The following FOXP1 variants were observed in gnomAD, a reference collection of about 807,000 sequenced individuals.
FOXP1 encodes the protein forkhead box P1.
FOXP1 carries 15 observed loss-of-function variants against 98.2 expected under a neutral mutation model. The observed-to-expected ratio is 0.15, with a 90% CI of 0.10 to 0.24. FOXP1 has a LOEUF of 0.24. FOXP1 is among the 10% of genes least tolerant of loss of function. The pLI is 1.00. For missense variants in FOXP1, 633 were observed against 848.5 expected, an observed-to-expected ratio of 0.75 and a Z score of 3.15; for synonymous variants, 371 against 314.5, an observed-to-expected ratio of 1.18 and a Z score of -1.90.
chr3:71,417,349 C>A (rs2083294993), intron 3 of FOXP1, among the ~76,000 whole-genome samples: 1 of 152,166 alleles, frequency 6.6e-6, no homozygotes. Context: ...TTCCAATTAT[C>A]TCTGTATTTG....
chr3:71,030,209 T>C (rs894496131), intron 11 of FOXP1, among the ~76,000 whole-genome samples: 6 of 152,234 alleles, frequency 3.9e-5, no homozygotes, highest in African/African-American at 1.4e-4. Context: ...GTGATAATCA[T>C]GTTGGGTTCT....
At chr3:71,277,008 G>T (rs1294815831) in intron 5 of FOXP1, among the ~76,000 whole-genome samples, 2 of 148,496 alleles carry the variant, frequency 1.3e-5, no homozygotes, top group Non-Finnish European at 3.0e-5. Flanking sequence ...GCCCAGGCTG[G>T]AGTGCAGTGG....
chr3:71,583,245 C>G lies in FOXP1; in HGVS notation c.-447+326G>C, dbSNP rs2048331362. Among the ~76,000 whole-genome samples, 2 of 152,076 alleles carry G rather than the reference C, an allele frequency of 1.3e-5. 1 individual carries two copies. The highest frequency in any genetic ancestry group is 4.1e-4 in the South Asian group (2 of 4,834). On this transcript the variant is annotated intron_variant, in intron 1 of 20. Coordinates refer to ENST00000649528, the MANE Select transcript of FOXP1 (RefSeq NM_001349338.3). ...CGCCTCCTCACAGTCGCCACCGCCC[C>G]CGCCCCCATTTGACTTATGCAAATA...
chr3:70,960,557 C>G (rs1369362705), intron 20 of FOXP1, among the ~76,000 whole-genome samples: 2 of 152,136 alleles, frequency 1.3e-5, no homozygotes, highest in African/African-American at 4.8e-5. Flanking sequence ...GTAAAAGAAC[C>G]ATTTGAGTTA....
Position 71,091,097 on chromosome 3 carries a change from C to CTGTGTGTGTGTGTGTG in FOXP1, c.282+21423_282+21438dup, listed in dbSNP as rs1191628935. Among the ~76,000 whole-genome samples the CTGTGTGTGTGTGTGTG allele has an allele frequency of 3.2e-3, 430 of 132,566 alleles. 5 individuals carry two copies. The highest frequency in any genetic ancestry group is 0.011 in the African/African-American group (396 of 35,342). 87.0% of individuals were successfully genotyped at this position (132,566 alleles called of 152,430 possible). A position where few individuals can be genotyped will look rare whatever the true frequency, so the allele number is the denominator to read the frequency against. On this transcript the variant is annotated intron_variant, in intron 7 of 20. Transcript: ENST00000649528. ...CATTTTGAGCTACAGGTGCCAGATTCTGTGTGTGTGTGTGTGTGTGTGTGT... is the reference window on the plus strand; with the variant it reads ...CATTTTGAGCTACAGGTGCCAGATTCTGTGTGTGTGTGTGTGTGTGTGTGTGTGTGTGTGTGTGTGT...
At chr3:71,362,904 G>A (rs11709616) in intron 3 of FOXP1, among the ~76,000 whole-genome samples, 86,711 of 152,084 alleles carry the variant, frequency 0.57, 27,349 homozygotes, top group East Asian at 0.83. Context: ...AAATGCTGTT[G>A]TATTTTTTCC....
At chr3:71,576,704 A>C (rs2047744990) in intron 2 of FOXP1, among the ~76,000 whole-genome samples, 1 of 152,178 alleles carries the variant, frequency 6.6e-6, no homozygotes, top group African/African-American at 2.4e-5. Flanking sequence ...GCACTCTACC[A>C]ATAACCTTAA....
chr3:71,035,453 A>G (rs2047449176), intron 11 of FOXP1, among the ~76,000 whole-genome samples: 1 of 152,220 alleles, frequency 6.6e-6, no homozygotes, highest in Non-Finnish European at 1.5e-5. Flanking sequence ...CAAGCTTGCC[A>G]TTGTAGTGTC....
At chr3:71,502,823 A>G (rs2041496993) in intron 2 of FOXP1, among the ~76,000 whole-genome samples, 1 of 152,228 alleles carries the variant, frequency 6.6e-6, no homozygotes. Flanking sequence ...ATTTTCCATG[A>G]AAAATTAAGG....
chr3:71,276,676 A>G (rs541015798), intron 5 of FOXP1, among the ~76,000 whole-genome samples: 26 of 152,334 alleles, frequency 1.7e-4, no homozygotes, highest in African/African-American at 6.0e-4. Flanking sequence ...ACAGTGTTTC[A>G]GTACACATAA....
intron 6 of FOXP1, among the ~76,000 whole-genome samples, chr3:71,189,784 A>G (rs976389924): frequency 6.6e-5 from 10 of 152,222 alleles, no homozygotes; most frequent in Non-Finnish European, 1.5e-4. Context: ...ATTCATAAAT[A>G]GTCTGTCACA....
At chr3:71,523,344 A>G (rs1056090551) in intron 2 of FOXP1, among the ~76,000 whole-genome samples, 1 of 152,170 alleles carries the variant, frequency 6.6e-6, no homozygotes, top group Non-Finnish European at 1.5e-5. Context: ...AGGCAGGGGG[A>G]CAATAATTTA....
At chr3:71,363,285 C>T (rs1380294956) in intron 3 of FOXP1, among the ~76,000 whole-genome samples, 2 of 152,044 alleles carry the variant, frequency 1.3e-5, no homozygotes, top group Non-Finnish European at 2.9e-5. Context: ...TCTGCCATCA[C>T]GGATAAAGAA....
At chr3:71,039,476 G>C (rs946007421) in intron 11 of FOXP1, among the ~76,000 whole-genome samples, 1 of 152,070 alleles carries the variant, frequency 6.6e-6, no homozygotes, top group Non-Finnish European at 1.5e-5. Flanking sequence ...TAACCTTTTA[G>C]AAAATGAAAC....
chr3:71,134,595 T>C (rs890915071), intron 6 of FOXP1, among the ~76,000 whole-genome samples: 5 of 151,718 alleles, frequency 3.3e-5, no homozygotes, highest in Admixed American at 1.3e-4. Flanking sequence ...AGCGAAACAA[T>C]GGAATTATTT....
chr3:71,112,586 C>G lies in FOXP1; in HGVS notation c.232G>C (p.Val78Leu). ...LLLQQQQQQQVSGLKSPKRND... is the reference protein window; with the variant it reads ...LLLQQQQQQQLSGLKSPKRND... ...CTCTTGGGAGATTTTAATCCACTAACTTGCTGCTGCTGTTGCTGCTGAAGA... is the reference window on the plus strand; with the variant it reads ...CTCTTGGGAGATTTTAATCCACTAAGTTGCTGCTGCTGTTGCTGCTGAAGA... Residue 78 changes from valine to leucine, a missense_variant, in exon 7 of 21, where the codon GTT becomes CTT. Val to Leu is a conservative substitution (Grantham distance 32). Around this residue, in one of 6 missense-constraint regions of FOXP1, gnomAD observed 210 missense variants for 270.6 expected, o/e 0.78. Coordinates refer to ENST00000649528, the MANE Select transcript of FOXP1 (RefSeq NM_001349338.3). 1 of 1,614,146 alleles carries G rather than the reference C, an allele frequency of 6.2e-7. No homozygotes were observed. Among genetic ancestry groups the G allele is most frequent in the Non-Finnish European group, 8.5e-7 (1 of 1,179,960 alleles).
At chr3:71,577,722 T>A (rs963048928) in intron 2 of FOXP1, among the ~76,000 whole-genome samples, 6 of 152,092 alleles carry the variant, frequency 3.9e-5, no homozygotes, top group African/African-American at 1.4e-4. Flanking sequence ...GCAAACCTAC[T>A]TGGCTTGCTG....
chr3:71,442,378 CAA>C (rs757897276), intron 3 of FOXP1, among the ~76,000 whole-genome samples: 8 of 99,130 alleles, frequency 8.1e-5, no homozygotes, highest in Non-Finnish European at 8.9e-5. Context: ...CTTAAAAAGC[CAA>C]AAAAAAAAAA....
At chr3:71,109,001 C>G (rs953248884) in intron 7 of FOXP1, among the ~76,000 whole-genome samples, 3 of 152,192 alleles carry the variant, frequency 2.0e-5, no homozygotes, top group Non-Finnish European at 4.4e-5. Flanking sequence ...TTTCAATTTT[C>G]ATTTGTATCA....
Sources: allele counts gnomAD v4.1 joint callset (sites outside exome capture counted in the v4.1 genomes callset), GRCh38; gene constraint gnomAD v4.1.1; regional missense constraint gnomAD v4.1.1; transcripts MANE v1.5; gene names NCBI Gene and HGNC (gene_info 2026-07-23, HGNC 2026-07-21).